The following SIDT1 variants were observed in gnomAD, a reference collection of about 807,000 sequenced individuals.
SIDT1 encodes SID1 transmembrane family member 1.
In SIDT1, 101 loss-of-function variants were observed where a neutral mutation model predicts 107.5. That is an observed-to-expected ratio of 0.94 (90% CI 0.80 to 1.11). SIDT1 has a LOEUF of 1.11. SIDT1 is among the 50% of genes least tolerant of loss of function. The pLI, the probability that SIDT1 is intolerant of heterozygous loss-of-function variation, is 0.00. For synonymous variants in SIDT1, 395 were observed against 398.2 expected (o/e 0.99, Z 0.10); for missense variants, 1,076 against 1,058.2 (o/e 1.02, Z -0.23).
intron 1 of SIDT1, among the ~76,000 whole-genome samples, chr3:113,543,582 A>T (rs567100623): frequency 6.6e-6 from 1 of 151,956 alleles, no homozygotes; most frequent in East Asian, 1.9e-4. Flanking sequence ...TTTTTTTTAG[A>T]TGTTTTCCCC....
downstream of SIDT1, chr3:113,629,651 T>C (rs540735518): frequency 2.6e-5 from 4 of 152,200 alleles, no homozygotes; most frequent in Admixed American, 6.5e-5. Flanking sequence ...AGGGAGGAAA[T>C]GTGAACAACA....
intron 9 of SIDT1, among the ~76,000 whole-genome samples, chr3:113,588,485 C>T (rs548179933): frequency 3.3e-5 from 5 of 152,320 alleles, no homozygotes; most frequent in Non-Finnish European, 5.9e-5. Context: ...GTTTGTAGTA[C>T]GTGCTATGAG....
chr3:113,616,771 C>T (rs907870923), intron 20 of SIDT1, among the ~76,000 whole-genome samples: 5 of 151,750 alleles, frequency 3.3e-5, no homozygotes, highest in Non-Finnish European at 7.4e-5. Context: ...TCACCGCAAC[C>T]TCCACCTCCT....
At chr3:113,607,588 G>T (rs1048633691) in intron 15 of SIDT1, among the ~76,000 whole-genome samples, 1 of 152,264 alleles carries the variant, frequency 6.6e-6, no homozygotes, top group African/African-American at 2.4e-5. Context: ...TGACGTGGAA[G>T]AAGCATTGCC....
At position 113,561,633 on chromosome 3, in the gene SIDT1, T is replaced by G. The variant is rs140467573; in HGVS notation, c.223-4787T>G. On this transcript the variant is annotated intron_variant, in intron 1 of 24. Transcript: ENST00000264852. ...GGAGTTATCCATTAGATGGTTTCTT[T>G]GGAACTATCCTTCCCAAAGTCTAGT... 5.0e-3 allele frequency among the ~76,000 whole-genome samples: 764 copies of G among 152,348 alleles called. 5 individuals carry two copies. Among genetic ancestry groups the G allele is most frequent in the African/African-American group, 0.018 (736 of 41,568 alleles).
At chr3:113,612,382 T>C (rs748097238) in intron 19 of SIDT1, 188 bp downstream of exon 19, 1 of 655,570 alleles carries the variant, frequency 1.5e-6, no homozygotes, top group South Asian at 1.5e-5. Flanking sequence ...AGTGATAAGC[T>C]ATTACCCCTA....
At chr3:113,553,833 G>A (rs1940545703) in intron 1 of SIDT1, among the ~76,000 whole-genome samples, 1 of 152,106 alleles carries the variant, frequency 6.6e-6, no homozygotes, top group African/African-American at 2.4e-5. Context: ...ATCACCTGGG[G>A]CCAGGAGTTC....
At chr3:113,572,996 C>CCT (rs779118899) in intron 3 of SIDT1, among the ~76,000 whole-genome samples, 43 of 145,612 alleles carry the variant, frequency 3.0e-4, no homozygotes, top group East Asian at 2.0e-3. Context: ...ATTTACATTC[C>CCT]TTTTTTTTTT....
chr3:113,533,177 C>T lies in SIDT1; in HGVS notation c.156C>T (p.Tyr52=). 1 of 1,579,730 alleles carries T rather than the reference C, an allele frequency of 6.3e-7. No individual in the cohort carries two copies. The highest frequency in any genetic ancestry group is 1.2e-5 in the South Asian group (1 of 86,098). The change falls in exon 1 of 25, where the codon TAC becomes TAT. Residue 52 remains tyrosine (Y), a synonymous_variant. Transcript: ENST00000264852. ...GGGGCGCCGATTTCGATCATGTCTA[C>T]AGCGGGGTGGTGAACCTCAGCACCG... The part of the protein sequence containing the change: ...AARGADFDHV[Y]SGVVNLSTEN...
intron 1 of SIDT1, among the ~76,000 whole-genome samples, chr3:113,563,917 G>T (rs1292972861): frequency 6.6e-6 from 1 of 151,960 alleles, no homozygotes; most frequent in African/African-American, 2.4e-5. Context: ...TAAATGATAC[G>T]ATCTTTGGTG....
At chr3:113,571,485 T>TGC in intron 3 of SIDT1, among the ~76,000 whole-genome samples, 1 of 28,240 alleles carries the variant, frequency 3.5e-5, no homozygotes, top group South Asian at 1.3e-3. Flanking sequence ...ACCTATCCTC[T>TGC]GCACACACAC....
intron 21 of SIDT1, among the ~76,000 whole-genome samples, chr3:113,622,412 C>T (rs1248961120): frequency 2.3e-5 from 3 of 131,072 alleles, no homozygotes; most frequent in African/African-American, 8.8e-5. Flanking sequence ...TGCAGTGAGC[C>T]GAGATGGTGC....
At chr3:113,605,533 C>T (rs983885489) in intron 14 of SIDT1, among the ~76,000 whole-genome samples, 3 of 152,178 alleles carry the variant, frequency 2.0e-5, no homozygotes, top group Non-Finnish European at 2.9e-5. Context: ...AAGTATTACC[C>T]TGTGCTTATT....
intron 4 of SIDT1, among the ~76,000 whole-genome samples, chr3:113,577,667 A>G (rs886585578): frequency 1.3e-5 from 2 of 152,198 alleles, no homozygotes; most frequent in East Asian, 1.9e-4. Context: ...ACAAAACTCT[A>G]TATAATAGCA....
intron 9 of SIDT1, among the ~76,000 whole-genome samples, chr3:113,588,365 T>C (rs921774950): frequency 6.6e-6 from 1 of 152,190 alleles, no homozygotes; most frequent in Admixed American, 6.5e-5. Context: ...TTTCCTTCAT[T>C]AACTAAGCAA....
In SIDT1 at chr3:113,533,169, CA is replaced by C; in HGVS notation, c.149del (p.His50LeufsTer7). Reference protein sequence around the residue: ...FDAARGADFDHVYSGVVNLST... With the variant: ...FDAARGADFDXVYSGVVNLST... Reference sequence around the variant, plus strand: ...CGCTGCCAGGGGCGCCGATTTCGATCATGTCTACAGCGGGGTGGTGAACCTC... The same window carrying C: ...CGCTGCCAGGGGCGCCGATTTCGATCTGTCTACAGCGGGGTGGTGAACCTC... On this transcript the variant is annotated frameshift_variant, in exon 1 of 25. Transcript: ENST00000264852. LOFTEE classifies it high-confidence loss of function. 1 of 1,579,880 alleles carries C rather than the reference CA, an allele frequency of 6.3e-7. No homozygotes were observed. The highest frequency in any genetic ancestry group is 1.2e-5 in the South Asian group (1 of 86,020).
At position 113,545,856 on chromosome 3, in the gene SIDT1, G is replaced by A. The variant is rs72950863; in HGVS notation, c.222+12613G>A. 4.7e-3 allele frequency among the ~76,000 whole-genome samples: 716 copies of A among 152,314 alleles called. 5 individuals are homozygous for A. Among genetic ancestry groups the A allele is most frequent in the African/African-American group, 0.016 (685 of 41,562 alleles). On this transcript the variant is annotated intron_variant, in intron 1 of 24. Transcript: ENST00000264852. ...GGACCACAATTTTACTCAAGTCATG[G>A]ACTGTTGAATTCTCAAGACATTTTT...
In SIDT1 at chr3:113,626,283, C is replaced by T. The variant is rs1946845354; in HGVS notation, c.2421+68C>T. ...CATCTTGTACTCTCTTTTTCTTCTG[C>T]TCTTCCTTACTTTTTTTTATATTCC... On this transcript the variant is annotated intron_variant, in intron 24 of 24. Coordinates refer to ENST00000264852, the MANE Select transcript of SIDT1 (RefSeq NM_017699.3). The T allele has an allele frequency of 6.6e-6, 7 of 1,054,098 alleles. No individual in the cohort carries two copies. The East Asian group carries it at 1.5e-4, about 22-fold the overall frequency. 65.3% of individuals were successfully genotyped at this position (1,054,098 alleles called of 1,614,324 possible).
At chr3:113,547,014 C>T (rs80181034) in intron 1 of SIDT1, among the ~76,000 whole-genome samples, 4,800 of 152,178 alleles carry the variant, frequency 0.032, 252 homozygotes, top group African/African-American at 0.11. Context: ...AGGAAAATAT[C>T]AAGCATATCA....
Sources: allele counts gnomAD v4.1 joint callset (sites outside exome capture counted in the v4.1 genomes callset), GRCh38; gene constraint gnomAD v4.1.1; transcripts MANE v1.5; gene names NCBI Gene and HGNC (gene_info 2026-07-23, HGNC 2026-07-21).